The following EMC7 variants were observed in gnomAD, a reference collection of about 807,000 sequenced individuals.
EMC7 encodes the protein endoplasmic reticulum membrane protein complex subunit 7.
A neutral mutation model predicts 24.4 loss-of-function variants in EMC7; 4 were observed. The observed-to-expected ratio is 0.16, with a 90% CI of 0.08 to 0.38. EMC7 has a LOEUF of 0.38. Among genes scored for constraint, EMC7 ranks in the 10% least tolerant of loss-of-function variants. The pLI is 1.00. For missense variants in EMC7, 221 were observed against 300.6 expected, an observed-to-expected ratio of 0.74 and a Z score of 1.96; for synonymous variants, 106 against 112.0, an observed-to-expected ratio of 0.95 and a Z score of 0.34.
intron 1 of EMC7, 116 bp downstream of exon 1, chr15:34,101,488 C>A: frequency 9.2e-7 from 1 of 1,092,148 alleles, no homozygotes; most frequent in Non-Finnish European, 1.3e-6. Context: ...GTTAGCGGCA[C>A]CCTCCCCTTC....
intron 1 of EMC7, among the ~76,000 whole-genome samples, chr15:34,100,275 A>T (rs1014344094): frequency 6.6e-6 from 1 of 152,248 alleles, no homozygotes; most frequent in African/African-American, 2.4e-5. Flanking sequence ...CAGAAGTTCG[A>T]AGCTGCCATG....
At position 34,084,332 on chromosome 15, in the gene EMC7, G is replaced by A. The variant is rs1264212783; in HGVS notation, c.*2C>T. The A allele has an allele frequency of 6.2e-7, 1 of 1,612,858 alleles. No individual in the cohort carries two copies. Among genetic ancestry groups the A allele is most frequent in the Non-Finnish European group, 8.5e-7 (1 of 1,179,102 alleles). The stretch of plus-strand genomic sequence containing the variant: ...TGCAAATGCCAGCTCTGGACGGCCT[G>A]ACTACCTCCTTTTGCCAGCCCCACT... On this transcript the variant is annotated 3_prime_UTR_variant, in exon 5 of 5. Coordinates refer to ENST00000256545, the MANE Select transcript of EMC7 (RefSeq NM_020154.3).
At chr15:34,097,267 T>C (rs1240664948) in intron 1 of EMC7, among the ~76,000 whole-genome samples, 2 of 152,064 alleles carry the variant, frequency 1.3e-5, no homozygotes, top group Non-Finnish European at 2.9e-5. Flanking sequence ...TCTCCTGACC[T>C]CGTGATCCGC....
intron 1 of EMC7, 50 bp downstream of exon 1, chr15:34,101,554 C>G: frequency 6.3e-7 from 1 of 1,583,844 alleles, no homozygotes. Flanking sequence ...GGTGGGGTCC[C>G]TGTCCGGCCT....
intron 2 of EMC7, among the ~76,000 whole-genome samples, chr15:34,091,448 G>A (rs9972453): frequency 0.089 from 13,533 of 152,096 alleles, 811 homozygotes; most frequent in East Asian, 0.31. Context: ...TTATGCATTT[G>A]TTACTGCCAG....
intron 4 of EMC7, among the ~76,000 whole-genome samples, chr15:34,086,813 C>T (rs1363914519): frequency 6.6e-6 from 1 of 152,262 alleles, no homozygotes; most frequent in Non-Finnish European, 1.5e-5. Context: ...ACAAGGAATG[C>T]ACAGGATGTA....
At chr15:34,093,818 T>C (rs1187739479) in intron 2 of EMC7, among the ~76,000 whole-genome samples, 1 of 11,024 alleles carries the variant, frequency 9.1e-5, no homozygotes, top group East Asian at 8.8e-3. Context: ...TATATATATA[T>C]ATATATTTTT....
rs1226272656 is a variant in EMC7 at position 34,084,280 on chromosome 15, G to A, written c.*54C>T. On this transcript the variant is annotated 3_prime_UTR_variant, in exon 5 of 5. Coordinates refer to ENST00000256545, the MANE Select transcript of EMC7 (RefSeq NM_020154.3). ...TGCTTCACACGGTTTTCCAAGACTTGGATGCCACCCAGTGTTGCCGTGTTT... is the reference window on the plus strand; with the variant it reads ...TGCTTCACACGGTTTTCCAAGACTTAGATGCCACCCAGTGTTGCCGTGTTT... 7.7e-6 allele frequency: 12 copies of A among 1,566,626 alleles called. No individual in the cohort carries two copies. Among genetic ancestry groups the A allele is most frequent in the Non-Finnish European group, 8.7e-7 (1 of 1,151,766 alleles).
chr15:34,090,402 G>A lies in EMC7; in HGVS notation c.410C>T (p.Pro137Leu), dbSNP rs1319924298. 6.2e-7 allele frequency: 1 copy of A among 1,614,086 alleles called. No homozygotes were observed. Among genetic ancestry groups the A allele is most frequent in the East Asian group, 2.2e-5 (1 of 44,862 alleles). The change falls in exon 3 of 5, where the codon CCT (proline) becomes CTT (leucine). Residue 137 changes from proline to leucine, a missense_variant. Transcript: ENST00000256545. ...KTSEVVRLPY[P>L]LQMKSSGPPS... ...TGGACCTGAAGATTTCATTTGGAGAGGATAGGGCAGTCTGACAACCTCTGA... is the reference window on the plus strand; with the variant it reads ...TGGACCTGAAGATTTCATTTGGAGAAGATAGGGCAGTCTGACAACCTCTGA...
At chr15:34,087,008 C>A (rs1380529976) in intron 4 of EMC7, among the ~76,000 whole-genome samples, 3 of 152,028 alleles carry the variant, frequency 2.0e-5, no homozygotes. Flanking sequence ...TACCTTATTT[C>A]TTTAAGAAAT....
intron 2 of EMC7, among the ~76,000 whole-genome samples, chr15:34,092,259 C>T (rs965126988): frequency 4.6e-4 from 5 of 10,878 alleles, no homozygotes; most frequent in South Asian, 2.6e-3. Context: ...AGTGAGACTC[C>T]GTCACACACA....
chr15:34,101,513 A>ACGTTGTCC (rs1200918929), intron 1 of EMC7, 91 bp downstream of exon 1: 65 of 1,370,332 alleles, frequency 4.7e-5, no homozygotes, highest in Non-Finnish European at 6.0e-5. Context: ...TGAGACAGCG[A>ACGTTGTCC]CGTTGTCCCG....
At chr15:34,093,823 A>ATTTTTTTTTTTT (rs753095506) in intron 2 of EMC7, among the ~76,000 whole-genome samples, 25 of 48,698 alleles carry the variant, frequency 5.1e-4, no homozygotes, top group African/African-American at 1.1e-3. Context: ...ATATATATAT[A>ATTTTTTTTTTTT]TTTTTTTTTT....
chr15:34,090,569 A>G lies in EMC7; in HGVS notation c.357-114T>C, dbSNP rs1900961510. 1.4e-5 allele frequency: 16 copies of G among 1,183,602 alleles called. No homozygotes were observed. In the South Asian group the frequency reaches 3.4e-4, roughly 25 times the overall value. 73.3% of individuals were successfully genotyped at this position (1,183,602 alleles called of 1,614,324 possible). On this transcript the variant is annotated intron_variant, in intron 2 of 4. Transcript: ENST00000256545. Reference sequence around the variant, plus strand: ...TATACACACTTTCAGCTTTTTCCAAAATGCTTTAAAACCTAAACTTTTGAT... The same window carrying G: ...TATACACACTTTCAGCTTTTTCCAAGATGCTTTAAAACCTAAACTTTTGAT...
chr15:34,095,398 C>G, intron 2 of EMC7, among the ~76,000 whole-genome samples: 1 of 152,260 alleles, frequency 6.6e-6, no homozygotes, highest in East Asian at 1.9e-4. Flanking sequence ...GACTATAGTT[C>G]TTTTCACCTC....
chr15:34,095,809 C>T, intron 2 of EMC7, 86 bp downstream of exon 2: 2 of 1,235,744 alleles, frequency 1.6e-6, no homozygotes, highest in Admixed American at 2.6e-5. Flanking sequence ...AAGAATTTTC[C>T]ATCTAAACTA....
chr15:34,093,480 G>C (rs1214881314), intron 2 of EMC7, among the ~76,000 whole-genome samples: 2 of 151,048 alleles, frequency 1.3e-5, no homozygotes, highest in Non-Finnish European at 3.0e-5. Flanking sequence ...TTGTAAGCTG[G>C]GGACCGTCTA....
rs201087723 is a variant in EMC7 at position 34,097,586 on chromosome 15, GA to G, written c.237-1573del. Among the ~76,000 whole-genome samples, 675 of 152,026 alleles carry G rather than the reference GA, an allele frequency of 4.4e-3. 4 individuals are homozygous for G. Among genetic ancestry groups the G allele is most frequent in the African/African-American group, 0.013 (551 of 41,472 alleles). On this transcript the variant is annotated intron_variant, in intron 1 of 4. Transcript: ENST00000256545. ...ATGAGAAACTACTATTCTGAGGGGG[GA>G]AAAAAAGTTTATGTTTCAGGAAAAC...
In EMC7 at chr15:34,089,971, A is replaced by G. The variant is rs866612653; in HGVS notation, c.495+346T>C. Among the ~76,000 whole-genome samples the G allele has an allele frequency of 9.8e-5, 15 of 152,314 alleles. No homozygotes were observed. In the South Asian group the frequency reaches 1.7e-3, roughly 17 times the overall value. The stretch of plus-strand genomic sequence containing the variant: ...AACCCCGTCTAAAAAAAGCCAAAAC[A>G]AACCACAAACAAAAAATACGCAGGT... On this transcript the variant is annotated intron_variant, in intron 3 of 4. Transcript: ENST00000256545.
Sources: allele counts gnomAD v4.1 joint callset (sites outside exome capture counted in the v4.1 genomes callset), GRCh38; gene constraint gnomAD v4.1.1; transcripts MANE v1.5; gene names NCBI Gene and HGNC (gene_info 2026-07-23, HGNC 2026-07-21).